The following RYR2 variants were observed in gnomAD, a reference collection of about 807,000 sequenced individuals.
RYR2 encodes cardiac muscle ryanodine receptor-calcium release channel.
Under a neutral mutation model 601.1 loss-of-function variants are expected in RYR2, and 227 were observed. The observed-to-expected ratio is 0.38, with a 90% CI of 0.34 to 0.42. The LOEUF is 0.42. RYR2 is among the 10% of genes least tolerant of loss of function. RYR2 has a pLI of 1.00. For synonymous variants in RYR2, 2,223 were observed against 2,175.1 expected, an observed-to-expected ratio of 1.02 and a Z score of -0.61; for missense variants, 4,646 against 6,156.5, an observed-to-expected ratio of 0.75 and a Z score of 8.21.
chr1:237,719,707 T>C (rs1689555239), intron 73 of RYR2, among the ~76,000 whole-genome samples: 1 of 151,190 alleles, frequency 6.6e-6, no homozygotes, highest in Non-Finnish European at 1.5e-5. Flanking sequence ...ATAAGGCTGC[T>C]AAACCACTTA....
chr1:237,421,193 C>T (rs1205967411), intron 11 of RYR2, among the ~76,000 whole-genome samples: 3 of 152,144 alleles, frequency 2.0e-5, no homozygotes, highest in Non-Finnish European at 4.4e-5. Flanking sequence ...GAGCCAAGAT[C>T]GCGCCACTGT....
At chr1:237,259,272 C>T (rs1688280929) in intron 1 of RYR2, among the ~76,000 whole-genome samples, 4 of 152,030 alleles carry the variant, frequency 2.6e-5, no homozygotes, top group African/African-American at 9.7e-5. Context: ...CTTTGGGAGG[C>T]CAAGGCGGGA....
intron 63 of RYR2, among the ~76,000 whole-genome samples, chr1:237,698,657 G>C (rs189305295): frequency 6.6e-6 from 1 of 151,438 alleles, no homozygotes; most frequent in Admixed American, 6.6e-5. Flanking sequence ...TAAAAATACA[G>C]TGAGATGGGA....
At chr1:237,167,945 C>G (rs1475272729) in intron 1 of RYR2, among the ~76,000 whole-genome samples, 1 of 152,066 alleles carries the variant, frequency 6.6e-6, no homozygotes, top group Non-Finnish European at 1.5e-5. Context: ...TAAAAATTTG[C>G]ATGTTAGGAG....
At chr1:237,828,313 G>T in intron 101 of RYR2, 68 bp from the exon 102 acceptor site, 1 of 1,111,298 alleles carries the variant, frequency 9.0e-7, no homozygotes, top group Non-Finnish European at 1.3e-6. Context: ...TTCCCTGGGG[G>T]GATTAGCCAA....
intron 1 of RYR2, among the ~76,000 whole-genome samples, chr1:237,050,167 G>C (rs1661076360): frequency 6.6e-6 from 1 of 152,118 alleles, no homozygotes; most frequent in Non-Finnish European, 1.5e-5. Context: ...TGAACCCAGG[G>C]AGACCTCCCC....
At chr1:237,750,191 A>C (rs765617620) in intron 80 of RYR2, among the ~76,000 whole-genome samples, 3 of 152,164 alleles carry the variant, frequency 2.0e-5, no homozygotes, top group Non-Finnish European at 2.9e-5. Flanking sequence ...TTCTGTACAT[A>C]CATACGTATC....
At chr1:237,556,209 TA>T (rs1429127827) in intron 27 of RYR2, among the ~76,000 whole-genome samples, 2 of 151,764 alleles carry the variant, frequency 1.3e-5, no homozygotes, top group Admixed American at 1.3e-4. Flanking sequence ...AAAAGGAGCT[TA>T]TATTTATAAA....
At position 237,128,164 on chromosome 1, in the gene RYR2, C is replaced by T. The variant is rs555961177; in HGVS notation, c.48+85595C>T. Among the ~76,000 whole-genome samples, 12 of 152,332 alleles carry T rather than the reference C, an allele frequency of 7.9e-5. No individual in the cohort carries two copies. The South Asian group carries it at 1.9e-3, about 24-fold the overall frequency. ...TCGGGAGGCCGAGGCTGGCGGATCA[C>T]TTGCGGTTAGGGGCTGGAGACCGGC... On this transcript the variant is annotated intron_variant, in intron 1 of 104. Coordinates refer to ENST00000366574, the MANE Select transcript of RYR2 (RefSeq NM_001035.3).
chr1:237,278,768 C>T (rs892721965), intron 2 of RYR2, among the ~76,000 whole-genome samples: 2 of 152,058 alleles, frequency 1.3e-5, no homozygotes, highest in Non-Finnish European at 2.9e-5. Context: ...TGCTTACCAG[C>T]GATTATAGTG....
chr1:237,089,342 A>G (rs537382767), intron 1 of RYR2, among the ~76,000 whole-genome samples: 1 of 152,392 alleles, frequency 6.6e-6, no homozygotes, highest in East Asian at 1.9e-4. Context: ...CAACTAAGAT[A>G]GTAGTGTAGA....
intron 36 of RYR2, among the ~76,000 whole-genome samples, chr1:237,613,779 T>C (rs1351636678): frequency 1.3e-5 from 2 of 152,092 alleles, no homozygotes; most frequent in Non-Finnish European, 2.9e-5. Flanking sequence ...TCAAAGGAAA[T>C]GGGGTATTTC....
intron 56 of RYR2, among the ~76,000 whole-genome samples, chr1:237,665,541 T>C (rs1332781722): frequency 6.6e-6 from 1 of 152,110 alleles, no homozygotes; most frequent in Non-Finnish European, 1.5e-5. Flanking sequence ...ATAATGTTTA[T>C]AGATAAAACG....
chr1:237,085,383 T>C (rs371599879), intron 1 of RYR2, among the ~76,000 whole-genome samples: 7 of 152,332 alleles, frequency 4.6e-5, no homozygotes, highest in Middle Eastern at 3.4e-3. Flanking sequence ...TCTTGTCTTT[T>C]GGAGTCCCTT....
chr1:237,199,302 T>G (rs749231029), intron 1 of RYR2, among the ~76,000 whole-genome samples: 11 of 152,160 alleles, frequency 7.2e-5, no homozygotes, highest in South Asian at 2.1e-4. Context: ...AGGAAGCCCG[T>G]CCAAGTCCCA....
chr1:237,284,683 T>C lies in RYR2; in HGVS notation c.168+14067T>C, dbSNP rs79873090. ...ATTCCACCATATATATATATATATG[T>C]ACACACACACACACCCATAAACACC... On this transcript the variant is annotated intron_variant, in intron 2 of 104. Transcript: ENST00000366574. Among the ~76,000 whole-genome samples, 24 of 143,596 alleles carry C rather than the reference T, an allele frequency of 1.7e-4. 1 individual carries two copies. The highest frequency in any genetic ancestry group is 2.6e-4 in the African/African-American group (10 of 38,414). 94.2% of individuals were successfully genotyped at this position (143,596 alleles called of 152,430 possible).
In RYR2 at chr1:237,132,514, G is replaced by C. The variant is rs138453333; in HGVS notation, c.48+89945G>C. Reference sequence around the variant, plus strand: ...CTATAATAGATGACTAATGCTGATGGACATTTCAGCAGACTGGACACTTCA... The same window carrying C: ...CTATAATAGATGACTAATGCTGATGCACATTTCAGCAGACTGGACACTTCA... On this transcript the variant is annotated intron_variant, in intron 1 of 104. Transcript: ENST00000366574. 9.8e-5 allele frequency among the ~76,000 whole-genome samples: 15 copies of C among 152,302 alleles called. No individual in the cohort carries two copies. In the East Asian group the frequency reaches 2.9e-3, roughly 29 times the overall value.
intron 14 of RYR2, 52 bp from the exon 15 acceptor site, chr1:237,454,339 T>A: frequency 6.6e-7 from 1 of 1,525,046 alleles, no homozygotes; most frequent in Non-Finnish European, 8.8e-7. Context: ...AATGGAAAAA[T>A]GATAAAATTG....
chr1:237,534,009 T>G (rs2779367), intron 25 of RYR2, among the ~76,000 whole-genome samples: 77,771 of 151,880 alleles, frequency 0.51, 20,174 homozygotes, highest in East Asian at 0.64. Flanking sequence ...ATGTACATGG[T>G]TTAAATTCTC....
Sources: allele counts gnomAD v4.1 joint callset (sites outside exome capture counted in the v4.1 genomes callset), GRCh38; gene constraint gnomAD v4.1.1; transcripts MANE v1.5; gene names NCBI Gene and HGNC (gene_info 2026-07-23, HGNC 2026-07-21).